THSD7B: variants seen among roughly 807,000 people sequenced by gnomAD.
THSD7B encodes thrombospondin type-1 domain-containing protein 7B.
A neutral mutation model predicts 213.6 loss-of-function variants in THSD7B; 138 were observed. That is an observed-to-expected ratio of 0.65 (90% CI 0.56 to 0.74). THSD7B has a LOEUF of 0.74. Ranked by LOEUF, THSD7B falls within the 30% of genes least tolerant of loss-of-function variation. The pLI is 0.00. For missense variants in THSD7B, 1,931 were observed against 1,991.5 expected (o/e 0.97, Z 0.58); for synonymous variants, 742 against 687.0 (o/e 1.08, Z -1.25).
At chr2:137,516,716 C>CAT (rs59457838) in intron 15 of THSD7B, among the ~76,000 whole-genome samples, 92,675 of 151,930 alleles carry the variant, frequency 0.61, 29,979 homozygotes, top group African/African-American at 0.84. Context: ...TTGCCATTGA[C>CAT]ATTTAGCAGC....
At chr2:136,967,767 A>C (rs1168555390) in intron 2 of THSD7B, among the ~76,000 whole-genome samples, 1 of 152,160 alleles carries the variant, frequency 6.6e-6, no homozygotes, top group Non-Finnish European at 1.5e-5. Flanking sequence ...ACTTTCCTTG[A>C]TGTTTGTAAT....
chr2:137,158,345 CTTTG>C (rs1174447746), intron 5 of THSD7B, among the ~76,000 whole-genome samples: 2 of 152,182 alleles, frequency 1.3e-5, no homozygotes, highest in African/African-American at 2.4e-5. Context: ...CAAGCACAAT[CTTTG>C]TTTGATTGCC....
At chr2:137,297,244 A>G (rs540004695) in intron 12 of THSD7B, among the ~76,000 whole-genome samples, 19 of 149,806 alleles carry the variant, frequency 1.3e-4, no homozygotes, top group African/African-American at 4.4e-4. Context: ...TGATCGCACC[A>G]CTATTCTCCA....
At chr2:137,161,096 T>A (rs1680010226) in intron 6 of THSD7B, among the ~76,000 whole-genome samples, 1 of 152,232 alleles carries the variant, frequency 6.6e-6, no homozygotes, top group African/African-American at 2.4e-5. Flanking sequence ...TTGTTTAGTT[T>A]CTGATATTGA....
At chr2:137,267,836 G>C (rs147887766) in intron 10 of THSD7B, among the ~76,000 whole-genome samples, 225 of 152,288 alleles carry the variant, frequency 1.5e-3, no homozygotes, top group African/African-American at 4.9e-3. Context: ...GTAGTCCAGT[G>C]GCAAAGCCAC....
At chr2:136,928,530 A>G (rs545403646) in intron 2 of THSD7B, among the ~76,000 whole-genome samples, 1 of 152,324 alleles carries the variant, frequency 6.6e-6, no homozygotes, top group East Asian at 1.9e-4. Flanking sequence ...GTATCCTGGT[A>G]TACCTGAAAG....
rs752194276 is a variant in THSD7B, at chr2:137,210,574, TA to T, written c.1724-20466del. ...AGGACAAATCTCTTTGTAAACTACC[TA>T]AAAGTCATTGTCAAATCTTTATAAA... On this transcript the variant is annotated intron_variant, in intron 7 of 27. Transcript: ENST00000409968. Among the ~76,000 whole-genome samples, 21 of 152,184 alleles carry T rather than the reference TA, an allele frequency of 1.4e-4. No homozygotes were observed. The East Asian group carries it at 1.5e-3, about 11-fold the overall frequency.
chr2:137,209,682 A>G (rs1165434862), intron 7 of THSD7B, among the ~76,000 whole-genome samples: 3 of 152,108 alleles, frequency 2.0e-5, no homozygotes, highest in Admixed American at 6.6e-5. Flanking sequence ...ATTTATTTAC[A>G]TGCAATTCTA....
At chr2:136,779,198 ATGTGTGTG>A (rs199689020) in intron 1 of THSD7B, among the ~76,000 whole-genome samples, 4,141 of 55,044 alleles carry the variant, frequency 0.075, 116 homozygotes, top group East Asian at 0.27. Context: ...ATATATATAT[ATGTGTGTG>A]TGTGTGTGTG....
At chr2:137,180,101 CAAGG>C (rs546067788) in intron 7 of THSD7B, among the ~76,000 whole-genome samples, 14 of 152,108 alleles carry the variant, frequency 9.2e-5, no homozygotes, top group African/African-American at 3.4e-4. Context: ...GGGACTTGAA[CAAGG>C]AAGGGTGTTG....
chr2:137,334,162 TTCTCTCTTTCTC>T (rs1376348871), intron 12 of THSD7B, among the ~76,000 whole-genome samples: 999 of 87,000 alleles, frequency 0.011, 13 homozygotes, highest in African/African-American at 0.034. Flanking sequence ...ATTTCTTTCT[TTCTCTCTTTCTC>T]TCTCTCTCTC....
intron 2 of THSD7B, among the ~76,000 whole-genome samples, chr2:136,986,363 G>A (rs572400034): frequency 8.6e-4 from 131 of 152,120 alleles, no homozygotes; most frequent in Non-Finnish European, 1.5e-3. Context: ...ATGTGAAATC[G>A]AATTCAAAAG....
chr2:136,849,621 T>A (rs1171818992), intron 1 of THSD7B, among the ~76,000 whole-genome samples: 1 of 152,072 alleles, frequency 6.6e-6, no homozygotes, highest in East Asian at 1.9e-4. Context: ...CTGATATATA[T>A]CCATTAGTGC....
At chr2:137,577,750 A>G (rs1030705147) in intron 17 of THSD7B, among the ~76,000 whole-genome samples, 1 of 152,182 alleles carries the variant, frequency 6.6e-6, no homozygotes. Flanking sequence ...AGAGAGAATG[A>G]TTAATGACAA....
In THSD7B at chr2:137,673,669, C is replaced by CTGAG. The variant is rs540314897; in HGVS notation, c.4740-2852_4740-2849dup. ...GCTGGCCTCCTCAGTGTTGGCCTTG[C>CTGAG]TGAGTGCAGTCTTGCCCCTCAGCTC... On this transcript the variant is annotated intron_variant, in intron 27 of 27. Coordinates refer to ENST00000409968, the MANE Select transcript of THSD7B (RefSeq NM_001316349.2). Among the ~76,000 whole-genome samples the CTGAG allele has an allele frequency of 2.0e-3, 309 of 152,306 alleles. 1 individual carries two copies. The highest frequency in any genetic ancestry group is 6.9e-3 in the African/African-American group (286 of 41,576).
At chr2:136,832,805 G>C (rs1682777796) in intron 1 of THSD7B, among the ~76,000 whole-genome samples, 1 of 152,160 alleles carries the variant, frequency 6.6e-6, no homozygotes, top group Non-Finnish European at 1.5e-5. Context: ...GAATCTCAAA[G>C]TAACTTGCCT....
intron 2 of THSD7B, among the ~76,000 whole-genome samples, chr2:136,962,403 CTT>C (rs71400559): frequency 0.11 from 11,063 of 99,824 alleles, 558 homozygotes; most frequent in East Asian, 0.23. Context: ...AATCTGTTAT[CTT>C]TTTTTTTTTT....
At chr2:136,835,618 A>G (rs760996071) in intron 1 of THSD7B, among the ~76,000 whole-genome samples, 6 of 152,178 alleles carry the variant, frequency 3.9e-5, no homozygotes, top group Non-Finnish European at 8.8e-5. Flanking sequence ...TTTGAATTAT[A>G]TATTTCGTCT....
At chr2:137,661,459 C>T (rs1400993501) in intron 25 of THSD7B, among the ~76,000 whole-genome samples, 2 of 151,762 alleles carry the variant, frequency 1.3e-5, no homozygotes, top group African/African-American at 4.8e-5. Flanking sequence ...AGGCTGCCCT[C>T]CTTGAGTGCA....
Sources: gnomAD v4.1 joint callset for allele counts (sites outside exome capture counted in the v4.1 genomes callset) on GRCh38, gnomAD v4.1.1 for gene constraint, MANE v1.5 for transcripts, NCBI Gene and HGNC (gene_info 2026-07-23, HGNC 2026-07-21) for gene names.